Variants in GLI3 observed in about 807,000 individuals in gnomAD.
GLI3 encodes the protein transcription activator GLI3.
GLI3 carries 20 observed loss-of-function variants against 100.8 expected under a neutral mutation model. The observed-to-expected ratio is 0.20, with a 90% confidence interval of 0.14 to 0.29. The LOEUF is 0.29. Among genes scored for constraint, GLI3 ranks in the 10% least tolerant of loss-of-function variants. The pLI is 1.00. For synonymous variants in GLI3, 938 were observed against 860.5 expected, an observed-to-expected ratio of 1.09 and a Z score of -1.58; for missense variants, 2,040 against 2,128.5, an observed-to-expected ratio of 0.96 and a Z score of 0.82.
At chr7:42,262,197 T>C (rs79397190) in intron 1 of GLI3, among the ~76,000 whole-genome samples, 2,388 of 33,554 alleles carry the variant, frequency 0.071, 63 homozygotes, top group African/African-American at 0.12. Context: ...TTTTATTTTT[T>C]TTCCTTCCTT....
At position 42,176,703 on chromosome 7, in the gene GLI3, C is replaced by T. The variant is rs117296421; in HGVS notation, c.125-28235G>A. Among the ~76,000 whole-genome samples, 1,344 of 152,308 alleles carry T rather than the reference C, an allele frequency of 8.8e-3. 15 individuals carry two copies. Among genetic ancestry groups the T allele is most frequent in the Non-Finnish European group, 0.015 (1,009 of 68,020 alleles). On this transcript the variant is annotated intron_variant, in intron 2 of 14. Transcript: ENST00000395925. ...GAGCATTCCCTCAAAGAAACTATTC[C>T]CTGAATCTTCACCTAGTTTTGCTGC... is the stretch of plus-strand genomic sequence containing the variant.
At chr7:42,170,223 G>A (rs551609932) in intron 2 of GLI3, among the ~76,000 whole-genome samples, 36 of 146,192 alleles carry the variant, frequency 2.5e-4, no homozygotes, top group Middle Eastern at 3.6e-3. Flanking sequence ...CTGCACTCCA[G>A]CCTGGGCGAC....
intron 3 of GLI3, among the ~76,000 whole-genome samples, chr7:42,116,905 G>A (rs1009344122): frequency 1.3e-5 from 2 of 151,978 alleles, no homozygotes; most frequent in Admixed American, 6.6e-5. Flanking sequence ...GCTACTTACG[G>A]CAATTCTCAG....
At position 42,076,739 on chromosome 7, in the gene GLI3, T is replaced by C; in HGVS notation, c.473+13A>G. ...CGTTCCATTTCATTAATGAAGAAAG[T>C]GTTAATACTTACATATGCAATGGAG... On this transcript the variant is annotated intron_variant, in intron 4 of 14. Transcript: ENST00000395925. 1 of 1,466,240 alleles carries C rather than the reference T, an allele frequency of 6.8e-7. No individual in the cohort carries two copies. 90.8% of individuals were successfully genotyped at this position (1,466,240 alleles called of 1,614,324 possible).
chr7:42,182,599 T>C (rs1268385799), intron 2 of GLI3, among the ~76,000 whole-genome samples: 1 of 143,416 alleles, frequency 7.0e-6, no homozygotes, highest in Non-Finnish European at 1.5e-5. Context: ...AGGCCTCACA[T>C]AGTATTAAAA....
At chr7:41,982,725 T>A (rs1446454591) in intron 10 of GLI3, among the ~76,000 whole-genome samples, 1 of 150,620 alleles carries the variant, frequency 6.6e-6, no homozygotes. Flanking sequence ...AGAAAATACA[T>A]TGTACATTGC....
intron 1 of GLI3, among the ~76,000 whole-genome samples, chr7:42,225,559 T>C (rs537014263): frequency 1.3e-5 from 2 of 152,214 alleles, no homozygotes; most frequent in South Asian, 2.1e-4. Context: ...TGAGGTTTTG[T>C]CATGTTGGCC....
At chr7:42,166,737 G>T (rs986120624) in intron 2 of GLI3, among the ~76,000 whole-genome samples, 4 of 133,518 alleles carry the variant, frequency 3.0e-5, no homozygotes. Context: ...TCTACTCACT[G>T]CACCCTCTGC....
Position 42,163,492 on chromosome 7 carries a change from T to C in GLI3, c.125-15024A>G, listed in dbSNP as rs542799783. On this transcript the variant is annotated intron_variant, in intron 2 of 14. Transcript: ENST00000395925. ...TGCCCAGGCTGGAGTGCAATGGTGCTATCTCGGCTCACTGCAACCTCCATC... is the reference window on the plus strand; with the variant it reads ...TGCCCAGGCTGGAGTGCAATGGTGCCATCTCGGCTCACTGCAACCTCCATC... Among the ~76,000 whole-genome samples the C allele has an allele frequency of 2.5e-4, 38 of 151,810 alleles. No individual in the cohort carries two copies. In the South Asian group the frequency reaches 7.3e-3, roughly 29 times the overall value.
At position 42,182,644 on chromosome 7, in the gene GLI3, G is replaced by GTGTA. The variant is rs1213633941; in HGVS notation, c.125-34177_125-34176insTACA. On this transcript the variant is annotated intron_variant, in intron 2 of 14. Coordinates refer to ENST00000395925, the MANE Select transcript of GLI3 (RefSeq NM_000168.6). ...TTTATATGCATATGTATATGTGTGTGTATATATATATATATATATATATAT... is the reference window on the plus strand; with the variant it reads ...TTTATATGCATATGTATATGTGTGTGTGTATATATATATATATATATATATATAT... Among the ~76,000 whole-genome samples the GTGTA allele has an allele frequency of 7.9e-4, 41 of 51,664 alleles. 1 individual carries two copies. Among genetic ancestry groups the GTGTA allele is most frequent in the East Asian group, 2.6e-3 (6 of 2,282 alleles). The allele number at this position is 51,664 out of a possible 152,430, so 33.9% of individuals were successfully genotyped here.
At chr7:42,124,746 T>C (rs1250628308) in intron 3 of GLI3, among the ~76,000 whole-genome samples, 1 of 152,192 alleles carries the variant, frequency 6.6e-6, no homozygotes, top group Non-Finnish European at 1.5e-5. Context: ...GGGACAAAGT[T>C]TATTTCTGAG....
At chr7:42,053,139 G>T (rs1458235956) in intron 4 of GLI3, among the ~76,000 whole-genome samples, 1 of 152,194 alleles carries the variant, frequency 6.6e-6, no homozygotes, top group East Asian at 1.9e-4. Context: ...GGGATTACAG[G>T]CATGTGCCAC....
At chr7:42,027,637 A>G (rs541780972) in intron 7 of GLI3, among the ~76,000 whole-genome samples, 2 of 152,338 alleles carry the variant, frequency 1.3e-5, no homozygotes, top group South Asian at 2.1e-4. Flanking sequence ...ACTACAATCC[A>G]TAACAGGCAG....
In GLI3 at chr7:41,986,604, T is replaced by G. The variant is rs941190394; in HGVS notation, c.1498-7856A>C. On this transcript the variant is annotated intron_variant, in intron 10 of 14. Coordinates refer to ENST00000395925, the MANE Select transcript of GLI3 (RefSeq NM_000168.6). Reference sequence around the variant, plus strand: ...AGTCCAAGAAAAGATAAATACTGCATGATTCCATTTATATGAGTATCCAGA... The same window carrying G: ...AGTCCAAGAAAAGATAAATACTGCAGGATTCCATTTATATGAGTATCCAGA... Among the ~76,000 whole-genome samples the G allele has an allele frequency of 7.2e-5, 11 of 152,316 alleles. No homozygotes were observed. The South Asian group carries it at 2.3e-3, about 32-fold the overall frequency.
intron 3 of GLI3, among the ~76,000 whole-genome samples, chr7:42,141,603 C>T (rs932750227): frequency 3.9e-5 from 6 of 151,982 alleles, no homozygotes; most frequent in Admixed American, 1.3e-4. Context: ...ACCTGGGAGG[C>T]GGAGGTTGCG....
At chr7:42,072,731 A>G (rs1395498166) in intron 4 of GLI3, among the ~76,000 whole-genome samples, 2 of 152,246 alleles carry the variant, frequency 1.3e-5, no homozygotes, top group African/African-American at 4.8e-5. Flanking sequence ...AAGGCAGGAA[A>G]TACAGAGACC....
intron 3 of GLI3, among the ~76,000 whole-genome samples, chr7:42,103,638 A>C (rs890424496): frequency 6.6e-6 from 1 of 152,160 alleles, no homozygotes; most frequent in African/African-American, 2.4e-5. Context: ...TGCTTAACAC[A>C]CATGACCTCA....
intron 3 of GLI3, among the ~76,000 whole-genome samples, chr7:42,119,530 C>T (rs1785944964): frequency 6.6e-6 from 1 of 152,170 alleles, no homozygotes; most frequent in Admixed American, 6.5e-5. Flanking sequence ...GGCATTAAGG[C>T]TTGGGAGTAC....
chr7:42,174,465 A>G (rs1787438989), intron 2 of GLI3, among the ~76,000 whole-genome samples: 1 of 152,102 alleles, frequency 6.6e-6, no homozygotes, highest in Non-Finnish European at 1.5e-5. Flanking sequence ...GACTCAGTGG[A>G]CTTCATCCCA....
Sources: allele counts gnomAD v4.1 joint callset (sites outside exome capture counted in the v4.1 genomes callset), GRCh38; gene constraint gnomAD v4.1.1; transcripts MANE v1.5; gene names NCBI Gene and HGNC (gene_info 2026-07-23, HGNC 2026-07-21).